SLC24A2: variants seen among roughly 807,000 people sequenced by gnomAD.
The protein encoded by SLC24A2 is sodium/potassium/calcium exchanger 2.
Under a neutral mutation model 62.0 loss-of-function variants are expected in SLC24A2, and 36 were observed. The ratio of observed to expected loss-of-function variants is 0.58; its 90% CI spans 0.44 to 0.77. SLC24A2 has a LOEUF of 0.77. Among genes scored for constraint, SLC24A2 ranks in the 30% least tolerant of loss-of-function variants. The pLI is 0.00. For missense variants in SLC24A2, 846 were observed against 817.9 expected (o/e 1.03, Z -0.42); for synonymous variants, 358 against 294.0 (o/e 1.22, Z -2.23).
At chr9:19,820,520 A>C in the SLC24A2 span, among the ~76,000 whole-genome samples, 1 of 151,676 alleles carries the variant, frequency 6.6e-6, no homozygotes, top group Non-Finnish European at 1.5e-5. Context: ...AACCTATGGA[A>C]ATAAAAAGTT....
chr9:19,832,570 C>T, the SLC24A2 span, among the ~76,000 whole-genome samples: 16 of 152,160 alleles, frequency 1.1e-4, no homozygotes, highest in African/African-American at 3.9e-4. Flanking sequence ...CCCTTCCTTA[C>T]ACCTTATACA....
the SLC24A2 span, among the ~76,000 whole-genome samples, chr9:20,131,095 T>C: frequency 6.6e-6 from 1 of 151,244 alleles, no homozygotes; most frequent in Non-Finnish European, 1.5e-5. Flanking sequence ...TCCAGAAACT[T>C]CCTGTTTATA....
At chr9:20,304,049 C>G in the SLC24A2 span, among the ~76,000 whole-genome samples, 1 of 152,136 alleles carries the variant, frequency 6.6e-6, no homozygotes, top group South Asian at 2.1e-4. Context: ...AAAACAGTTC[C>G]AAGTACTAAT....
intron 8 of SLC24A2, among the ~76,000 whole-genome samples, chr9:19,548,006 T>C (rs1483949945): frequency 6.6e-6 from 1 of 151,658 alleles, no homozygotes; most frequent in Non-Finnish European, 1.5e-5. Flanking sequence ...GAAACTTAAA[T>C]ATTGCTTTAA....
the SLC24A2 span, among the ~76,000 whole-genome samples, chr9:19,974,529 A>G: frequency 6.6e-6 from 1 of 152,166 alleles, no homozygotes; most frequent in Non-Finnish European, 1.5e-5. Context: ...AGCATAACCT[A>G]CGCTTTAGAA....
chr9:19,816,691 C>G, the SLC24A2 span, among the ~76,000 whole-genome samples: 6 of 152,156 alleles, frequency 3.9e-5, 1 homozygote, highest in South Asian at 1.2e-3. Flanking sequence ...TGAAGGGGAG[C>G]AGGCATATCA....
chr9:19,596,415 G>A lies in SLC24A2; in HGVS notation c.1129+814C>T, dbSNP rs947925574. Among the ~76,000 whole-genome samples, 21 of 152,136 alleles carry A rather than the reference G, an allele frequency of 1.4e-4. 1 individual carries two copies. The South Asian group carries it at 2.1e-3, about 15-fold the overall frequency. On this transcript the variant is annotated intron_variant, in intron 5 of 10. Transcript: ENST00000341998. ...AAATATTATATATTTTTAAAAAGTC[G>A]CAGTATGTATGGGATGAAATAGGGG...
At position 19,521,049 on chromosome 9, in the gene SLC24A2, T is replaced by G; in HGVS notation, c.1581A>C (p.Thr527=). ...CCATAATCTCTTCACTGATGCCAAT[T>G]GTCTCTCCAACCTAAATGTCAGGAC... The part of the protein sequence containing the change: ...MVWWAHQVGE[T]IGISEEIMGL... The change falls in exon 10 of 11, where the codon ACA becomes ACC. Residue 527 remains threonine, a synonymous_variant. Coordinates refer to ENST00000341998, the MANE Select transcript of SLC24A2 (RefSeq NM_020344.4). 6.2e-7 allele frequency: 1 copy of G among 1,614,096 alleles called. No homozygotes were observed. The highest frequency in any genetic ancestry group is 2.2e-5 in the East Asian group (1 of 44,860).
chr9:19,979,868 T>C, the SLC24A2 span, among the ~76,000 whole-genome samples: 1 of 152,236 alleles, frequency 6.6e-6, no homozygotes, highest in Admixed American at 6.5e-5. Context: ...AGCTCCAGTT[T>C]CTGCATTTGC....
At chr9:19,686,761 T>C (rs2118433729) in intron 2 of SLC24A2, among the ~76,000 whole-genome samples, 1 of 152,264 alleles carries the variant, frequency 6.6e-6, no homozygotes, top group East Asian at 1.9e-4. Context: ...CAATTAAACC[T>C]CCTTTCTTTA....
chr9:19,509,045 T>C lies in SLC24A2; in HGVS notation c.*7108A>G, dbSNP rs903924990. 4.6e-5 allele frequency: 7 copies of C among 152,174 alleles called. No individual in the cohort carries two copies. The highest frequency in any genetic ancestry group is 1.0e-4 in the Non-Finnish European group (7 of 68,018). 9.4% of individuals were successfully genotyped at this position (152,174 alleles called of 1,614,324 possible). ...ATTGTATACCTCTATTTCCCATTTT[T>C]ATAAGGGAACTTCTTAGACCCATCC... On this transcript the variant is annotated 3_prime_UTR_variant, in exon 11 of 11. Transcript: ENST00000341998.
At chr9:20,113,200 C>T in the SLC24A2 span, among the ~76,000 whole-genome samples, 1 of 152,100 alleles carries the variant, frequency 6.6e-6, no homozygotes, top group South Asian at 2.1e-4. Context: ...GTCTTTCAAA[C>T]CCCATAGTTC....
chr9:20,135,151 T>A, the SLC24A2 span, among the ~76,000 whole-genome samples: 1 of 152,160 alleles, frequency 6.6e-6, no homozygotes, highest in African/African-American at 2.4e-5. Flanking sequence ...TGGAGAAGAC[T>A]GAATTGATTC....
chr9:19,828,292 G>A, the SLC24A2 span, among the ~76,000 whole-genome samples: 2 of 149,270 alleles, frequency 1.3e-5, no homozygotes, highest in African/African-American at 2.6e-5. Context: ...GAATTGAAAT[G>A]TTCCTAACAC....
chr9:19,567,715 G>A (rs189788383), intron 7 of SLC24A2, among the ~76,000 whole-genome samples: 4 of 146,326 alleles, frequency 2.7e-5, no homozygotes, highest in Non-Finnish European at 6.0e-5. Context: ...AATTTGAGAA[G>A]GTTGATAAAT....
At chr9:19,851,677 C>G in the SLC24A2 span, among the ~76,000 whole-genome samples, 3 of 152,150 alleles carry the variant, frequency 2.0e-5, no homozygotes, top group African/African-American at 7.2e-5. Context: ...TTTATGGCTG[C>G]ATAGTATTCC....
chr9:20,055,499 A>C, the SLC24A2 span, among the ~76,000 whole-genome samples: 1 of 152,176 alleles, frequency 6.6e-6, no homozygotes, highest in African/African-American at 2.4e-5. Context: ...AGTAGCTATT[A>C]TCTGTAACTT....
At position 19,789,009 on chromosome 9, in the gene SLC24A2, G is replaced by C. The variant is rs2118958366; in HGVS notation, c.-278C>G. 1 of 938,364 alleles carries C rather than the reference G, an allele frequency of 1.1e-6. No homozygotes were observed. Among genetic ancestry groups the C allele is most frequent in the East Asian group, 1.2e-4 (1 of 8,606 alleles). 58.1% of individuals were successfully genotyped at this position (938,364 alleles called of 1,614,324 possible). On this transcript the variant is annotated 5_prime_UTR_variant, in exon 1 of 11. Coordinates refer to ENST00000341998, the MANE Select transcript of SLC24A2 (RefSeq NM_020344.4). ...CTGGCTCGCACTGGCTGCCGCTCTC[G>C]CCAGCCGGGCTGGGTTCGGGAGGAG...
At chr9:19,710,908 T>C (rs1312477266) in intron 2 of SLC24A2, among the ~76,000 whole-genome samples, 2 of 152,090 alleles carry the variant, frequency 1.3e-5, no homozygotes, top group African/African-American at 2.4e-5. Flanking sequence ...TGAAATGAGA[T>C]TGGTGATTAA....
Sources: gnomAD v4.1 joint callset for allele counts (sites outside exome capture counted in the v4.1 genomes callset) on GRCh38, gnomAD v4.1.1 for gene constraint, MANE v1.5 for transcripts, NCBI Gene and HGNC (gene_info 2026-07-23, HGNC 2026-07-21) for gene names.